Variants in ZFPM2 observed in about 807,000 individuals in gnomAD.
ZFPM2 encodes zinc finger protein, FOG family member 2.
Under a neutral mutation model 98.6 loss-of-function variants are expected in ZFPM2, and 20 were observed. The observed-to-expected ratio is 0.20, with a 90% CI of 0.14 to 0.29. The LOEUF is 0.29. Among genes scored for constraint, ZFPM2 ranks in the 10% least tolerant of loss-of-function variants. The pLI is 1.00. For synonymous variants in ZFPM2, 518 were observed against 502.7 expected, an observed-to-expected ratio of 1.03 and a Z score of -0.41; for missense variants, 1,310 against 1,388.6, an observed-to-expected ratio of 0.94 and a Z score of 0.90.
At chr8:105,445,476 C>T (rs749476118) in intron 3 of ZFPM2, among the ~76,000 whole-genome samples, 5 of 151,736 alleles carry the variant, frequency 3.3e-5, no homozygotes, top group Non-Finnish European at 7.4e-5. Flanking sequence ...TGGCATGATG[C>T]TTCTTCTCAA....
intron 5 of ZFPM2, among the ~76,000 whole-genome samples, chr8:105,731,766 T>TA (rs1427797981): frequency 1.3e-5 from 2 of 151,756 alleles, no homozygotes; most frequent in Admixed American, 1.3e-4. Context: ...GTCCAGATTT[T>TA]AAAAAATCAC....
chr8:105,391,658 A>C (rs929124459), intron 1 of ZFPM2, among the ~76,000 whole-genome samples: 3 of 152,282 alleles, frequency 2.0e-5, no homozygotes, highest in Admixed American at 2.0e-4. Context: ...TTCTATCTCT[A>C]GCAACTACTT....
intron 5 of ZFPM2, among the ~76,000 whole-genome samples, chr8:105,761,685 C>G (rs1812737261): frequency 6.6e-6 from 1 of 151,818 alleles, no homozygotes; most frequent in African/African-American, 2.4e-5. Flanking sequence ...TTTGAGTTCC[C>G]TTACAGACTT....
chr8:105,772,802 T>G (rs1001881513), intron 5 of ZFPM2, among the ~76,000 whole-genome samples: 1 of 152,182 alleles, frequency 6.6e-6, no homozygotes, highest in Non-Finnish European at 1.5e-5. Flanking sequence ...ACTGCCTTAT[T>G]TTCACCAGAA....
chr8:105,558,643 G>C (rs1012722363), intron 3 of ZFPM2, among the ~76,000 whole-genome samples: 1 of 152,184 alleles, frequency 6.6e-6, no homozygotes, highest in African/African-American at 2.4e-5. Flanking sequence ...AGGAGTCACT[G>C]TTTACTGAGT....
At chr8:105,686,308 A>G (rs1006068407) in intron 5 of ZFPM2, among the ~76,000 whole-genome samples, 6 of 152,030 alleles carry the variant, frequency 3.9e-5, no homozygotes, top group Admixed American at 2.0e-4. Flanking sequence ...TTATCAAAGT[A>G]CCATTTACTT....
chr8:105,421,051 G>A (rs1187943480), intron 2 of ZFPM2, among the ~76,000 whole-genome samples: 1 of 151,980 alleles, frequency 6.6e-6, no homozygotes, highest in Non-Finnish European at 1.5e-5. Flanking sequence ...AAGTTTTAAG[G>A]TAGTAATTTC....
intron 1 of ZFPM2, among the ~76,000 whole-genome samples, chr8:105,391,324 A>G (rs937785003): frequency 3.3e-5 from 5 of 152,180 alleles, no homozygotes; most frequent in Non-Finnish European, 4.4e-5. Context: ...TAAAATGCTG[A>G]TGATCATCTG....
chr8:105,351,050 G>A (rs570111025), intron 1 of ZFPM2, among the ~76,000 whole-genome samples: 32 of 151,940 alleles, frequency 2.1e-4, no homozygotes, highest in African/African-American at 5.3e-4. Flanking sequence ...AGGTGTGGTG[G>A]CACATGCTTG....
chr8:105,792,501 T>G (rs553045428), intron 6 of ZFPM2, among the ~76,000 whole-genome samples: 24 of 152,352 alleles, frequency 1.6e-4, no homozygotes, highest in Non-Finnish European at 3.2e-4. Flanking sequence ...AGTAGAGCTT[T>G]ACTTCCAACT....
chr8:105,624,798 G>A (rs1816619899), intron 4 of ZFPM2, among the ~76,000 whole-genome samples: 1 of 152,094 alleles, frequency 6.6e-6, no homozygotes, highest in Non-Finnish European at 1.5e-5. Flanking sequence ...AGAACTAAAA[G>A]CAAATATACC....
At chr8:105,680,192 G>A (rs1177546715) in intron 5 of ZFPM2, among the ~76,000 whole-genome samples, 1 of 152,156 alleles carries the variant, frequency 6.6e-6, no homozygotes, top group East Asian at 1.9e-4. Flanking sequence ...TACATTGTCT[G>A]TTGTGGACCT....
rs1418600356 is a variant in ZFPM2, at chr8:105,658,412, C to T, written c.532+24055C>T. ...GACCATCCTGGCTAACACGGTGAAA[C>T]CCCGTCTCTACTAAAAATACAAAAA... is the stretch of plus-strand genomic sequence containing the variant. On this transcript the variant is annotated intron_variant, in intron 5 of 7. Coordinates refer to ENST00000407775, the MANE Select transcript of ZFPM2 (RefSeq NM_012082.4). 3.2e-5 allele frequency among the ~76,000 whole-genome samples: 2 copies of T among 61,870 alleles called. 1 individual carries two copies. Among genetic ancestry groups the T allele is most frequent in the Non-Finnish European group, 6.5e-5 (2 of 30,840 alleles). 40.6% of individuals were successfully genotyped at this position (61,870 alleles called of 152,430 possible). A position where few individuals can be genotyped will look rare whatever the true frequency, so the allele number is the denominator to read the frequency against.
intron 1 of ZFPM2, among the ~76,000 whole-genome samples, chr8:105,395,879 C>T (rs1339402756): frequency 6.6e-6 from 1 of 152,168 alleles, no homozygotes; most frequent in Non-Finnish European, 1.5e-5. Context: ...TGTCCGCCTT[C>T]TACTCTATCC....
chr8:105,788,959 G>T (rs1300136255), intron 6 of ZFPM2, 35 bp downstream of exon 6: 1 of 1,524,840 alleles, frequency 6.6e-7, no homozygotes, highest in South Asian at 1.3e-5. Context: ...CAGCTTTAGA[G>T]GTGATGGGAA....
intron 5 of ZFPM2, among the ~76,000 whole-genome samples, chr8:105,646,426 G>A (rs890236135): frequency 2.0e-5 from 3 of 152,098 alleles, no homozygotes; most frequent in Non-Finnish European, 4.4e-5. Context: ...GCGATGAGGG[G>A]TATGATGAGG....
At chr8:105,763,876 A>C (rs748916956) in intron 5 of ZFPM2, among the ~76,000 whole-genome samples, 6 of 151,800 alleles carry the variant, frequency 4.0e-5, no homozygotes, top group Non-Finnish European at 7.4e-5. Context: ...AAAAGATGGG[A>C]TCATAAACAT....
At chr8:105,774,276 ATAAT>A (rs1267146446) in intron 5 of ZFPM2, among the ~76,000 whole-genome samples, 1 of 152,176 alleles carries the variant, frequency 6.6e-6, no homozygotes, top group Non-Finnish European at 1.5e-5. Context: ...GTAAAGAAAA[ATAAT>A]TACTTATGCA....
intron 4 of ZFPM2, among the ~76,000 whole-genome samples, chr8:105,601,629 T>C (rs1387430704): frequency 6.6e-6 from 1 of 152,002 alleles, no homozygotes; most frequent in Non-Finnish European, 1.5e-5. Flanking sequence ...TGTCTTTTGT[T>C]CCCCCTATTT....
Sources: gnomAD v4.1 joint callset for allele counts (sites outside exome capture counted in the v4.1 genomes callset) on GRCh38, gnomAD v4.1.1 for gene constraint, MANE v1.5 for transcripts, NCBI Gene and HGNC (gene_info 2026-07-23, HGNC 2026-07-21) for gene names.